Variants in CSMD1 observed in about 807,000 individuals in gnomAD.
CSMD1 encodes CUB and Sushi multiple domains 1.
Under a neutral mutation model 417.5 loss-of-function variants are expected in CSMD1, and 213 were observed. The observed-to-expected ratio is 0.51, with a 90% confidence interval of 0.46 to 0.57. The LOEUF (loss-of-function observed/expected upper bound fraction) is 0.57. CSMD1 is among the 20% of genes least tolerant of loss of function. CSMD1 has a pLI of 0.00. For missense variants in CSMD1, 6,923 were observed against 4,529.7 expected (o/e 1.53, Z -15.17); for synonymous variants, 2,862 against 1,736.8 (o/e 1.65, Z -16.11).
chr8:3,316,412 G>A (rs1307158631), intron 23 of CSMD1, among the ~76,000 whole-genome samples: 5 of 152,186 alleles, frequency 3.3e-5, no homozygotes, highest in Non-Finnish European at 5.9e-5. Context: ...CCTGTCTAAT[G>A]AATGACAGAT....
intron 5 of CSMD1, among the ~76,000 whole-genome samples, chr8:3,814,223 T>C (rs1279464583): frequency 6.6e-6 from 1 of 152,198 alleles, no homozygotes; most frequent in Non-Finnish European, 1.5e-5. Flanking sequence ...CATCAGCTCG[T>C]CTGCATTCTG....
chr8:4,959,329 C>T (rs1042718258), intron 1 of CSMD1, among the ~76,000 whole-genome samples: 2 of 152,208 alleles, frequency 1.3e-5, no homozygotes, highest in Non-Finnish European at 2.9e-5. Flanking sequence ...CCTTCTTATT[C>T]AACATGTACC....
chr8:3,493,348 T>C (rs1563090624), intron 11 of CSMD1, among the ~76,000 whole-genome samples: 2 of 151,772 alleles, frequency 1.3e-5, no homozygotes, highest in Non-Finnish European at 2.9e-5. Flanking sequence ...AAATTTATTG[T>C]TTTTTGCTAC....
At chr8:4,185,877 T>C (rs2131193941) in intron 3 of CSMD1, among the ~76,000 whole-genome samples, 1 of 152,336 alleles carries the variant, frequency 6.6e-6, no homozygotes, top group East Asian at 1.9e-4. Context: ...GCCTGAGTAC[T>C]AAGATCACGG....
At chr8:4,077,191 A>C (rs990792824) in intron 3 of CSMD1, among the ~76,000 whole-genome samples, 6 of 150,952 alleles carry the variant, frequency 4.0e-5, no homozygotes, top group African/African-American at 1.5e-4. Context: ...GTGTAGAGAG[A>C]AGTCTCTAAA....
chr8:4,075,378 A>G (rs866128342), intron 3 of CSMD1, among the ~76,000 whole-genome samples: 5 of 152,174 alleles, frequency 3.3e-5, no homozygotes, highest in African/African-American at 7.2e-5. Flanking sequence ...TTTTGATGCT[A>G]AAGAACAGAA....
At chr8:4,456,984 T>TAA (rs1442562495) in intron 2 of CSMD1, among the ~76,000 whole-genome samples, 3 of 78,526 alleles carry the variant, frequency 3.8e-5, no homozygotes, top group African/African-American at 1.4e-4. Context: ...TGGTTTTTTT[T>TAA]TAAAAAAAAA....
intron 3 of CSMD1, among the ~76,000 whole-genome samples, chr8:4,405,359 A>G (rs1301683190): frequency 1.3e-5 from 2 of 152,144 alleles, no homozygotes; most frequent in Non-Finnish European, 2.9e-5. Context: ...AAGAATAGAA[A>G]TGGTTTAGAT....
At position 3,307,476 on chromosome 8, in the gene CSMD1, C is replaced by A. The variant is rs150630261; in HGVS notation, c.3950+219G>T. ...GTTATGCAGCAGAAGCTAACTGATA[C>A]ACTCTCATTTTGGCTTTACTATATA... is the stretch of plus-strand genomic sequence containing the variant. On this transcript the variant is annotated intron_variant, in intron 25 of 69. Transcript: ENST00000635120. Among the ~76,000 whole-genome samples, 85 of 152,266 alleles carry A rather than the reference C, an allele frequency of 5.6e-4. 5 individuals carry two copies. The South Asian group carries it at 0.017, about 30-fold the overall frequency.
At chr8:4,508,200 C>T (rs1368248174) in intron 2 of CSMD1, among the ~76,000 whole-genome samples, 2 of 147,846 alleles carry the variant, frequency 1.4e-5, no homozygotes, top group Non-Finnish European at 3.0e-5. Context: ...TCATTTTAAG[C>T]ATCTCCCTGA....
At chr8:2,964,814 A>AAG (rs202042956) in intron 59 of CSMD1, among the ~76,000 whole-genome samples, 3 of 151,860 alleles carry the variant, frequency 2.0e-5, no homozygotes, top group Non-Finnish European at 4.4e-5. Flanking sequence ...CCCATGTCAG[A>AAG]AGAGAGAGAA....
chr8:3,154,764 T>C (rs1819413347), intron 39 of CSMD1, among the ~76,000 whole-genome samples: 1 of 152,202 alleles, frequency 6.6e-6, no homozygotes, highest in Non-Finnish European at 1.5e-5. Context: ...GCTTGATATA[T>C]TAACCTCTAG....
At chr8:4,678,622 T>C (rs7816766) in intron 1 of CSMD1, among the ~76,000 whole-genome samples, 80,555 of 151,890 alleles carry the variant, frequency 0.53, 21,613 homozygotes, top group Admixed American at 0.62. Context: ...TTTACATTAC[T>C]ACTAAAAACA....
chr8:3,943,423 TAAAAA>T (rs5889003), intron 5 of CSMD1, among the ~76,000 whole-genome samples: 1 of 137,182 alleles, frequency 7.3e-6, no homozygotes, highest in Admixed American at 7.4e-5. Context: ...TTTTTTTCAT[TAAAAA>T]AAAAAAAACA....
intron 11 of CSMD1, among the ~76,000 whole-genome samples, chr8:3,472,683 T>C (rs1203854799): frequency 6.6e-6 from 1 of 152,194 alleles, no homozygotes; most frequent in African/African-American, 2.4e-5. Flanking sequence ...TTGCCATTTG[T>C]TATTGCCCTA....
chr8:3,033,347 T>C (rs1266009430), intron 50 of CSMD1, among the ~76,000 whole-genome samples: 3 of 152,132 alleles, frequency 2.0e-5, no homozygotes, highest in Admixed American at 6.5e-5. Flanking sequence ...CACCAATTGA[T>C]GCTACAGATA....
intron 1 of CSMD1, among the ~76,000 whole-genome samples, chr8:4,642,448 C>A (rs1803254460): frequency 6.6e-6 from 1 of 152,174 alleles, no homozygotes; most frequent in Non-Finnish European, 1.5e-5. Flanking sequence ...TGCTGTATAG[C>A]AGTGGCACAT....
intron 2 of CSMD1, among the ~76,000 whole-genome samples, chr8:4,600,800 T>C (rs1202017766): frequency 2.6e-5 from 4 of 152,138 alleles, no homozygotes; most frequent in African/African-American, 9.7e-5. Flanking sequence ...ACGTAAGAAA[T>C]CAATCTCTCA....
chr8:3,442,956 A>C (rs1165514242), intron 12 of CSMD1, among the ~76,000 whole-genome samples: 1 of 152,152 alleles, frequency 6.6e-6, no homozygotes, highest in African/African-American at 2.4e-5. Context: ...TTTTCTTTAA[A>C]CATGGTTTTA....
Sources: allele counts gnomAD v4.1 joint callset (sites outside exome capture counted in the v4.1 genomes callset), GRCh38; gene constraint gnomAD v4.1.1; transcripts MANE v1.5; gene names NCBI Gene and HGNC (gene_info 2026-07-23, HGNC 2026-07-21).